PRKAG3: variants seen among roughly 807,000 people sequenced by gnomAD.
PRKAG3 encodes protein kinase AMP-activated non-catalytic subunit gamma 3.
A neutral mutation model predicts 56.5 loss-of-function variants in PRKAG3; 39 were observed. The observed-to-expected ratio is 0.69, with a 90% CI of 0.53 to 0.90. The LOEUF is 0.90. Ranked by LOEUF, PRKAG3 falls within the 40% of genes least tolerant of loss-of-function variation. PRKAG3 has a pLI of 0.00. For synonymous variants in PRKAG3, 243 were observed against 250.1 expected, an observed-to-expected ratio of 0.97 and a Z score of 0.27; for missense variants, 628 against 627.5, an observed-to-expected ratio of 1.00 and a Z score of -0.01.
chr2:218,823,815 T>C (rs1438138741), exon 13 of PRKAG3: 1 of 1,613,972 alleles, frequency 6.2e-7, no homozygotes, highest in Non-Finnish European at 8.5e-7. Flanking sequence ...GCCTGAAGGA[T>C]GTCGGAGAGG....
rs1194936841 is a variant in PRKAG3 at position 218,827,834 on chromosome 2, C to A, written c.819G>T (p.Arg273Ser). 6.2e-7 allele frequency: 1 copy of A among 1,613,970 alleles called. No individual in the cohort carries two copies. Among genetic ancestry groups the A allele is most frequent in the East Asian group, 2.2e-5 (1 of 44,896 alleles). Residue 273 changes from arginine to serine, a missense_variant and splice_region_variant, in exon 7 of 13, where the codon AGG becomes AGT. Physicochemically the swap from Arg to Ser is moderately radical, Grantham distance 110. Transcript: ENST00000529249. This position sits in a 1 kb window ranked among gnomAD's most constrained non-coding sequence, Gnocchi z 5.3. ...TTCCGGGTTCCTCTCCCCACTCACC[C>A]CTCCAGGTCTCAATCTTATGTTGTT...
chr2:218,830,720 C>T (rs1381422733), intron 3 of PRKAG3, 26 bp downstream of exon 3: 1 of 1,606,544 alleles, frequency 6.2e-7, no homozygotes, highest in African/African-American at 1.3e-5. Flanking sequence ...TGGCTCCCAC[C>T]TCCCCAGAAC....
chr2:218,824,162 C>T (rs1943896351), intron 12 of PRKAG3, 60 bp downstream of exon 12: 2 of 1,612,768 alleles, frequency 1.2e-6, no homozygotes, highest in Admixed American at 3.3e-5. Flanking sequence ...ATGGCTGGAG[C>T]CGTGCATGAG....
rs138177677 is a variant in PRKAG3 at position 218,830,934 on chromosome 2, G to C, written c.74-33C>G. The C allele has an allele frequency of 4.7e-5, 76 of 1,604,356 alleles. No homozygotes were observed. The African/African-American group carries it at 5.2e-4, about 11-fold the overall frequency. On this transcript the variant is annotated intron_variant, in intron 2 of 12. Coordinates refer to ENST00000529249, the Ensembl canonical transcript of PRKAG3. ...GGGAATGGGGCCTGTTTGGTTAATA[G>C]GGAGTAATGCATCAAAATCAATTCA...
At chr2:218,826,901 C>G (rs1943940123) in intron 10 of PRKAG3, 27 bp downstream of exon 10, 1 of 1,613,476 alleles carries the variant, frequency 6.2e-7, no homozygotes, top group Non-Finnish European at 8.5e-7. Flanking sequence ...CAGCCCAGCC[C>G]GAGCCTCTCA....
intron 12 of PRKAG3, 101 bp from the exon 13 acceptor site, chr2:218,823,979 G>A (rs1943891023): frequency 7.7e-7 from 1 of 1,293,110 alleles, no homozygotes; most frequent in Non-Finnish European, 1.1e-6. Flanking sequence ...ACATGACTGA[G>A]GGAGAGAGCG....
chr2:218,824,232 GC>G lies in PRKAG3; in HGVS notation c.1342del (p.Ala448LeufsTer10). Reference sequence around the variant, plus strand: ...GAGGGCACACGGTACCTGCTCCCGAGCAATCCTGTCGATCACTTCCCCCAAG... The same window carrying G: ...GAGGGCACACGGTACCTGCTCCCGAGAATCCTGTCGATCACTTCCCCCAAG... On this transcript the variant is annotated frameshift_variant, in exon 12 of 13. Transcript: ENST00000529249. LOFTEE classifies it high-confidence loss of function. 6.2e-7 allele frequency: 1 copy of G among 1,614,134 alleles called. No individual in the cohort carries two copies. Among genetic ancestry groups the G allele is most frequent in the Non-Finnish European group, 8.5e-7 (1 of 1,180,006 alleles).
chr2:218,830,847 G>A, exon 3 of PRKAG3: 1 of 1,613,834 alleles, frequency 6.2e-7, no homozygotes, highest in South Asian at 1.1e-5. Flanking sequence ...TGAGCTGCTG[G>A]TCACAGCTGG....
At position 218,827,487 on chromosome 2, in the gene PRKAG3, G is replaced by A; in HGVS notation, c.875+88C>T. On this transcript the variant is annotated intron_variant, in intron 8 of 12. Transcript: ENST00000529249. The surrounding 1 kb of genome is among the most constrained non-coding windows in gnomAD (Gnocchi z 5.3). ...GGCTCCCTTGTCTGTGTGCCGCCTA[G>A]GATGAAGAGGTGAGTTCAGAGCTGA... 1 of 1,600,774 alleles carries A rather than the reference G, an allele frequency of 6.2e-7. No individual in the cohort carries two copies. Among genetic ancestry groups the A allele is most frequent in the Non-Finnish European group, 8.6e-7 (1 of 1,168,318 alleles).
At chr2:218,823,752 T>G in exon 13 of PRKAG3, 1 of 1,613,904 alleles carries the variant, frequency 6.2e-7, no homozygotes, top group South Asian at 1.1e-5. Context: ...GATTGAGGAC[T>G]CAGATCTTCT....
intron 12 of PRKAG3, 64 bp downstream of exon 12, chr2:218,824,158 G>A: frequency 1.9e-6 from 3 of 1,612,204 alleles, no homozygotes; most frequent in Non-Finnish European, 2.5e-6. Flanking sequence ...AGGGATGGCT[G>A]GAGCCGTGCA....
chr2:218,827,336 T>A lies in PRKAG3; in HGVS notation c.913A>T (p.Ile305Phe). ...GGGTCAAGAACAGGCAGGCGATGGA[T>A]CCGGTTCTTGATGAGGGTGTAGACA... is the stretch of plus-strand genomic sequence containing the variant. Residue 305 changes from isoleucine to phenylalanine, a missense_variant, in exon 9 of 13, where the codon ATC (isoleucine) becomes TTC (phenylalanine). Physicochemically the swap from Ile to Phe is conservative, Grantham distance 21. Transcript: ENST00000529249. The surrounding 1 kb of genome is among the most constrained non-coding windows in gnomAD (Gnocchi z 5.3). 1 of 1,614,054 alleles carries A rather than the reference T, an allele frequency of 6.2e-7. No homozygotes were observed.
At chr2:218,826,543 A>G (rs1943934820) in intron 10 of PRKAG3, 2 of 303,070 alleles carry the variant, frequency 6.6e-6, no homozygotes, top group South Asian at 6.4e-5. Flanking sequence ...CCTGGCCTCA[A>G]GCGACCTTCT....
At chr2:218,830,004 G>T in exon 4 of PRKAG3, 1 of 1,613,878 alleles carries the variant, frequency 6.2e-7, no homozygotes, top group Non-Finnish European at 8.5e-7. Context: ...AAGATGACTA[G>T]CTTGGAGCTA....
chr2:218,830,962 T>C (rs1489993606), intron 2 of PRKAG3, 61 bp from the exon 3 acceptor site: 2 of 1,557,056 alleles, frequency 1.3e-6, no homozygotes, highest in African/African-American at 2.7e-5. Flanking sequence ...TCAATTCAAA[T>C]GTTATTCATA....
At chr2:218,826,726 C>T (rs890464643) in intron 10 of PRKAG3, 6 of 630,556 alleles carry the variant, frequency 9.5e-6, no homozygotes, top group Non-Finnish European at 1.4e-5. Flanking sequence ...GTGAAGAATC[C>T]CATTTCACAA....
rs1268025791 is a variant in PRKAG3 at position 218,831,510 on chromosome 2, C to A, written c.34-135G>T. 5 of 996,554 alleles carry A rather than the reference C, an allele frequency of 5.0e-6. No individual in the cohort carries two copies. The African/African-American group carries it at 8.1e-5, about 16-fold the overall frequency. The allele number at this position is 996,554 out of a possible 1,614,324, so 61.7% of individuals were successfully genotyped here. On this transcript the variant is annotated intron_variant, in intron 1 of 12. Transcript: ENST00000529249. The stretch of plus-strand genomic sequence containing the variant: ...ACACACGCCATACACAGACATGCAG[C>A]CATACACAAACACACACAGAAACAC...
Position 218,826,916 on chromosome 2 carries a change from G to A in PRKAG3, c.1168+12C>T. The A allele has an allele frequency of 6.2e-7, 1 of 1,613,898 alleles. No homozygotes were observed. The highest frequency in any genetic ancestry group is 1.1e-5 in the South Asian group (1 of 91,046). ...CAGCCCAGCCCGAGCCTCTCATCCT[G>A]GGGGTGGGTACCACATTCGTTGACC... On this transcript the variant is annotated intron_variant, in intron 10 of 12. Transcript: ENST00000529249.
rs757928858 is a variant in PRKAG3, at chr2:218,827,903, A to G, written c.775-25T>C. 9 of 1,613,680 alleles carry G rather than the reference A, an allele frequency of 5.6e-6. No individual in the cohort carries two copies. In the East Asian group the frequency reaches 2.0e-4, roughly 36 times the overall value. ...CCTAGAGACATCGACAGGACTCCAG[A>G]AGTCAGAAAGACGTGGGCTTCTAGG... On this transcript the variant is annotated intron_variant, in intron 6 of 12. Transcript: ENST00000529249. The surrounding 1 kb of genome is among the most constrained non-coding windows in gnomAD (Gnocchi z 5.3).
Sources: gnomAD v4.1 joint callset for allele counts on GRCh38, gnomAD v4.1.1 for gene constraint, Gnocchi (gnomAD v3.1) non-coding constraint, MANE v1.5 for transcripts, NCBI Gene and HGNC (gene_info 2026-07-23, HGNC 2026-07-21) for gene names.